The following ARHGAP6 variants were observed in gnomAD, a reference collection of about 807,000 sequenced individuals.
ARHGAP6 encodes the protein rho GTPase-activating protein 6.
ARHGAP6 carries 16 observed loss-of-function variants against 55.7 expected under a neutral mutation model. The ratio of observed to expected loss-of-function variants is 0.29; its 90% CI spans 0.19 to 0.44. ARHGAP6 has a LOEUF of 0.44. ARHGAP6 is among the 20% of genes least tolerant of loss of function. The pLI is 1.00. For missense variants in ARHGAP6, 698 were observed against 808.9 expected (o/e 0.86, Z 1.66); for synonymous variants, 382 against 360.9 (o/e 1.06, Z -0.66).
chrX:11,542,727 C>T (rs753736674), intron 1 of ARHGAP6, among the ~76,000 whole-genome samples: 48 of 111,431 alleles, frequency 4.3e-4, no homozygotes, highest in African/African-American at 1.4e-3. Flanking sequence ...GCTGACTATA[C>T]TTCCTAAAAA....
intron 1 of ARHGAP6, among the ~76,000 whole-genome samples, chrX:11,478,766 A>G (rs2050427979): frequency 8.9e-6 from 1 of 111,932 alleles, no homozygotes; most frequent in South Asian, 3.8e-4. Context: ...TTTGTGCTTA[A>G]TTTCTCATTT....
intron 1 of ARHGAP6, among the ~76,000 whole-genome samples, chrX:11,492,972 C>T (rs2050586254): frequency 8.9e-6 from 1 of 111,761 alleles, no homozygotes; most frequent in African/African-American, 3.3e-5. Flanking sequence ...ACCAGAGTGA[C>T]CTGAGGGACT....
At chrX:11,140,385 TC>T (rs1398909904) in intron 12 of ARHGAP6, among the ~76,000 whole-genome samples, 13 of 83,765 alleles carry the variant, frequency 1.6e-4, no homozygotes, top group African/African-American at 6.3e-4. Flanking sequence ...GCCACTGCAC[TC>T]CAGCCTGGGT....
chrX:11,426,359 A>AT (rs35111887), intron 1 of ARHGAP6, among the ~76,000 whole-genome samples: 4,877 of 102,866 alleles, frequency 0.047, 109 homozygotes, highest in South Asian at 0.082. Context: ...CAAAAAAACA[A>AT]TTTTTTTTTT....
At chrX:11,497,582 T>TCTCTCTCC (rs1247438939) in intron 1 of ARHGAP6, among the ~76,000 whole-genome samples, 120 of 86,851 alleles carry the variant, frequency 1.4e-3, no homozygotes, top group African/African-American at 5.0e-3. Flanking sequence ...TCTCTCTCTC[T>TCTCTCTCC]CTCTCTCTGC....
chrX:11,292,433 C>A (rs1017308380), intron 1 of ARHGAP6, among the ~76,000 whole-genome samples: 2 of 111,451 alleles, frequency 1.8e-5, no homozygotes, highest in Admixed American at 1.9e-4. Context: ...AAGTGAATAG[C>A]TTTGGTCATT....
chrX:11,651,324 G>A (rs181351133), intron 1 of ARHGAP6, among the ~76,000 whole-genome samples: 2 of 111,247 alleles, frequency 1.8e-5, no homozygotes, highest in East Asian at 5.7e-4. Flanking sequence ...AGTGTCTGTT[G>A]TTCCCTTCTT....
intron 10 of ARHGAP6, among the ~76,000 whole-genome samples, chrX:11,152,963 G>C (rs1221731341): frequency 8.9e-6 from 1 of 111,850 alleles, no homozygotes; most frequent in African/African-American, 3.3e-5. Context: ...TGATTCCAAG[G>C]GGCTGGTGAG....
chrX:11,299,206 C>T (rs2048137000), intron 1 of ARHGAP6, among the ~76,000 whole-genome samples: 1 of 111,633 alleles, frequency 9.0e-6, no homozygotes, highest in Non-Finnish European at 1.9e-5. Context: ...TTTACTATTA[C>T]TGAATTTCTA....
chrX:11,427,570 T>TCGC, intron 1 of ARHGAP6: 1 of 917,824 alleles, frequency 1.1e-6, no homozygotes, highest in South Asian at 2.3e-5. Context: ...CTGGGGCTTC[T>TCGC]CGCCGCGGTA....
At position 11,365,247 on chromosome X, in the gene ARHGAP6, C is replaced by T. The variant is rs181175890; in HGVS notation, c.589-110540G>A. ...GACAGAGCCTGCAGAGAGAAGGACCCAACATCCTGACATTCTGTATGGTAC... is the reference window on the plus strand; with the variant it reads ...GACAGAGCCTGCAGAGAGAAGGACCTAACATCCTGACATTCTGTATGGTAC... On this transcript the variant is annotated intron_variant, in intron 1 of 12. Transcript: ENST00000337414. 9.8e-5 allele frequency among the ~76,000 whole-genome samples: 11 copies of T among 112,004 alleles called. No individual in the cohort carries two copies. The East Asian group carries it at 1.4e-3, about 14-fold the overall frequency.
At chrX:11,644,665 G>GA (rs912770634) in intron 1 of ARHGAP6, among the ~76,000 whole-genome samples, 8 of 110,319 alleles carry the variant, frequency 7.3e-5, no homozygotes, top group African/African-American at 2.0e-4. Flanking sequence ...CTATTAAAGT[G>GA]AAAAAAATAG....
At chrX:11,258,842 C>G (rs2047523210) in intron 1 of ARHGAP6, among the ~76,000 whole-genome samples, 1 of 111,351 alleles carries the variant, frequency 9.0e-6, no homozygotes, top group Non-Finnish European at 1.9e-5. Flanking sequence ...CTTATTTTTA[C>G]TTTTTAAATT....
chrX:11,153,626 A>C (rs533226648), intron 10 of ARHGAP6, among the ~76,000 whole-genome samples: 2 of 109,546 alleles, frequency 1.8e-5, no homozygotes, highest in African/African-American at 6.7e-5. Context: ...TCATTTATTA[A>C]CATATGCATT....
chrX:11,360,860 AT>A (rs1454242372), intron 1 of ARHGAP6, among the ~76,000 whole-genome samples: 1 of 111,110 alleles, frequency 9.0e-6, no homozygotes, highest in East Asian at 2.8e-4. Flanking sequence ...TTATACACCA[AT>A]AACAGAGAGA....
chrX:11,206,710 GGGCTGGTTTTATTGA>G (rs1308385927), intron 2 of ARHGAP6, among the ~76,000 whole-genome samples: 5 of 111,333 alleles, frequency 4.5e-5, no homozygotes, highest in African/African-American at 1.6e-4. Flanking sequence ...TCATTAAAAG[GGGCTGGTTTTATTGA>G]GGCTCTGCTT....
At chrX:11,142,492 G>C (rs1015556862) in intron 11 of ARHGAP6, 179 bp from the exon 12 acceptor site, 15 of 235,778 alleles carry the variant, frequency 6.4e-5, no homozygotes, top group Middle Eastern at 2.9e-3. Flanking sequence ...TTACAAAAAG[G>C]CCCTTTCTAT....
intron 1 of ARHGAP6, among the ~76,000 whole-genome samples, chrX:11,358,141 G>A (rs1000123954): frequency 8.9e-6 from 1 of 112,088 alleles, no homozygotes; most frequent in East Asian, 2.8e-4. Context: ...CATACAATAT[G>A]TAGCCTTTTG....
intron 1 of ARHGAP6, among the ~76,000 whole-genome samples, chrX:11,360,630 C>A (rs1462703772): frequency 2.8e-5 from 3 of 108,041 alleles, no homozygotes; most frequent in Non-Finnish European, 5.8e-5. Flanking sequence ...CACTCCTATT[C>A]AACATAGTGT....
Sources: allele counts gnomAD v4.1 joint callset (sites outside exome capture counted in the v4.1 genomes callset), GRCh38; gene constraint gnomAD v4.1.1; transcripts MANE v1.5; gene names NCBI Gene and HGNC (gene_info 2026-07-23, HGNC 2026-07-21).